MCTP1: variants seen among roughly 807,000 people sequenced by gnomAD.
MCTP1 encodes the protein multiple C2 and transmembrane domain-containing protein 1.
In MCTP1, 69 loss-of-function variants were observed where a neutral mutation model predicts 120.6. That is an observed-to-expected ratio of 0.57 (90% CI 0.47 to 0.70). The LOEUF is 0.70. Ranked by LOEUF, MCTP1 falls within the 30% of genes least tolerant of loss-of-function variation. The pLI is 0.00. For missense variants in MCTP1, 1,203 were observed against 1,248.8 expected, an observed-to-expected ratio of 0.96 and a Z score of 0.55; for synonymous variants, 529 against 493.1, an observed-to-expected ratio of 1.07 and a Z score of -0.96.
chr5:94,745,506 G>A (rs1766685750), intron 19 of MCTP1, among the ~76,000 whole-genome samples: 1 of 152,128 alleles, frequency 6.6e-6, no homozygotes, highest in Non-Finnish European at 1.5e-5. Flanking sequence ...AGCTGGTAGG[G>A]GTAGAGGGCA....
At chr5:94,867,238 G>C in intron 17 of MCTP1, 1 of 1,444,974 alleles carries the variant, frequency 6.9e-7, no homozygotes, top group Admixed American at 2.5e-5. Context: ...AAAACTTAAC[G>C]ATAATGACAA....
chr5:95,189,481 G>A lies in MCTP1; in HGVS notation c.720+94375C>T, dbSNP rs1028252035. Among the ~76,000 whole-genome samples the A allele has an allele frequency of 4.6e-5, 7 of 152,186 alleles. No homozygotes were observed. The South Asian group carries it at 1.2e-3, about 27-fold the overall frequency. On this transcript the variant is annotated intron_variant, in intron 1 of 22. Transcript: ENST00000515393. ...ACTCAACAAGTTATTTTTAAGTGTC[G>A]GTATGGTTGTAAGACAGAGAGGAGT... is the stretch of plus-strand genomic sequence containing the variant.
At chr5:95,111,866 C>T (rs189870088) in intron 1 of MCTP1, among the ~76,000 whole-genome samples, 6 of 152,256 alleles carry the variant, frequency 3.9e-5, no homozygotes, top group Admixed American at 3.9e-4. Flanking sequence ...ATGTCTCTCC[C>T]TTTATCTGTG....
intron 1 of MCTP1, among the ~76,000 whole-genome samples, chr5:95,115,212 C>A (rs1261338119): frequency 6.6e-6 from 1 of 151,964 alleles, no homozygotes; most frequent in East Asian, 1.9e-4. Flanking sequence ...CTGTTCAATG[C>A]CCAGACACAA....
At chr5:95,104,056 C>T (rs1324631658) in intron 1 of MCTP1, among the ~76,000 whole-genome samples, 1 of 152,132 alleles carries the variant, frequency 6.6e-6, no homozygotes, top group African/African-American at 2.4e-5. Context: ...CATCTACAGC[C>T]TGTGATTGCC....
chr5:95,053,131 G>A lies in MCTP1; in HGVS notation c.721-35647C>T, dbSNP rs189613720. Among the ~76,000 whole-genome samples the A allele has an allele frequency of 2.0e-3, 302 of 152,276 alleles. 1 individual carries two copies. Among genetic ancestry groups the A allele is most frequent in the African/African-American group, 6.9e-3 (288 of 41,556 alleles). On this transcript the variant is annotated intron_variant, in intron 1 of 22. Transcript: ENST00000515393. ...TCCATATTTTTACATGAAAATCAAG[G>A]AAATAAAACATACTTTGGAGAAGTA...
intron 1 of MCTP1, among the ~76,000 whole-genome samples, chr5:95,165,866 T>A (rs1481664399): frequency 6.6e-6 from 1 of 152,206 alleles, no homozygotes; most frequent in East Asian, 1.9e-4. Flanking sequence ...TGTTCCCAAT[T>A]GGTCCAGAAT....
At chr5:94,709,357 A>G (rs1755919028) in intron 21 of MCTP1, 1 of 152,114 alleles carries the variant, frequency 6.6e-6, no homozygotes, top group South Asian at 2.1e-4. Context: ...ATTTTGTTTA[A>G]TGAAACAAGA....
intron 1 of MCTP1, among the ~76,000 whole-genome samples, chr5:95,119,442 T>C (rs188595687): frequency 1.8e-4 from 27 of 152,088 alleles, no homozygotes; most frequent in Admixed American, 1.3e-3. Context: ...AAACTTTAAA[T>C]AGGCAAGCTA....
rs1379723466 is a variant in MCTP1 at position 94,940,086 on chromosome 5, C to T, written c.1171G>A (p.Val391Met). ...TACTAGGCTGTGGGGGAACTTACCACATCCCTGGACTCTCCTTCTTTAGGG... is the reference window on the plus strand; with the variant it reads ...TACTAGGCTGTGGGGGAACTTACCATATCCCTGGACTCTCCTTCTTTAGGG... ...LTPKEGESRDVTMLMRKSWKR... is the reference protein window; with the variant it reads ...LTPKEGESRDMTMLMRKSWKR... The change falls in exon 5 of 23, where the codon GTG (valine) becomes ATG (methionine). Residue 391 changes from valine (V) to methionine (M), a missense_variant and splice_region_variant. By Grantham distance (21) the Val-to-Met change is conservative. Around this residue, in one of 2 missense-constraint regions of MCTP1, gnomAD observed 740 missense variants for 871.1 expected, o/e 0.85. Transcript: ENST00000515393. 6.3e-7 allele frequency: 1 copy of T among 1,577,780 alleles called. No individual in the cohort carries two copies. The highest frequency in any genetic ancestry group is 1.1e-5 in the South Asian group (1 of 88,224).
intron 1 of MCTP1, among the ~76,000 whole-genome samples, chr5:95,250,343 T>C (rs1314253501): frequency 1.3e-5 from 2 of 152,110 alleles, no homozygotes; most frequent in Non-Finnish European, 2.9e-5. Flanking sequence ...AATGTGAAGC[T>C]CATATTATTG....
intron 18 of MCTP1, among the ~76,000 whole-genome samples, 139 bp downstream of exon 18, chr5:94,798,855 CCAAAGAGTTGTTAGTTTTG>C (rs1780609382): frequency 6.6e-6 from 1 of 152,040 alleles, no homozygotes; most frequent in African/African-American, 2.4e-5. Flanking sequence ...TGTGTTAGGA[CCAAAGAGTTGTTAGTTTTG>C]ACCTGATAAA....
chr5:95,250,597 C>T (rs180928736), intron 1 of MCTP1, among the ~76,000 whole-genome samples: 1 of 152,248 alleles, frequency 6.6e-6, no homozygotes. Flanking sequence ...AGCTGGGCAA[C>T]TGTAAGCCAG....
intron 1 of MCTP1, among the ~76,000 whole-genome samples, chr5:95,226,222 A>G (rs1401256450): frequency 6.6e-6 from 1 of 152,064 alleles, no homozygotes; most frequent in Non-Finnish European, 1.5e-5. Flanking sequence ...ATCTGGACCC[A>G]AGGATATTTA....
rs1581805773 is a variant in MCTP1 at position 95,007,442 on chromosome 5, A to G, written c.838+9925T>C. 2.0e-5 allele frequency among the ~76,000 whole-genome samples: 3 copies of G among 152,280 alleles called. No homozygotes were observed. The Middle Eastern group carries it at 0.01, about 518-fold the overall frequency. On this transcript the variant is annotated intron_variant, in intron 2 of 22. Transcript: ENST00000515393. ...TTAGGATCAGAGAATATATATGCAA[A>G]TGCCAACCATCATACCTGATGCATA...
At chr5:94,790,646 A>G (rs1469804719) in intron 18 of MCTP1, among the ~76,000 whole-genome samples, 1 of 152,218 alleles carries the variant, frequency 6.6e-6, no homozygotes, top group Non-Finnish European at 1.5e-5. Context: ...AGCAGCAACT[A>G]TATGAAACAA....
At chr5:95,233,328 C>CTTT (rs199632942) in intron 1 of MCTP1, among the ~76,000 whole-genome samples, 2 of 144,618 alleles carry the variant, frequency 1.4e-5, no homozygotes, top group Non-Finnish European at 3.0e-5. Flanking sequence ...TGGCATACTT[C>CTTT]TTTTTTTTTT....
intron 1 of MCTP1, among the ~76,000 whole-genome samples, chr5:95,092,762 AAAAG>A (rs1755945933): frequency 2.0e-5 from 3 of 152,204 alleles, no homozygotes. Context: ...ATAATAAATA[AAAAG>A]AAAGGCTTTA....
chr5:95,076,696 T>C (rs1169060420), intron 1 of MCTP1, among the ~76,000 whole-genome samples: 1 of 152,124 alleles, frequency 6.6e-6, no homozygotes, highest in African/African-American at 2.4e-5. Flanking sequence ...GTATTTCAAA[T>C]AACACAACGC....
Sources: gnomAD v4.1 joint callset for allele counts (sites outside exome capture counted in the v4.1 genomes callset) on GRCh38, gnomAD v4.1.1 for gene constraint, gnomAD v4.1.1 regional missense constraint, MANE v1.5 for transcripts, NCBI Gene and HGNC (gene_info 2026-07-23, HGNC 2026-07-21) for gene names.